Variants in FRMPD4 observed in about 807,000 individuals in gnomAD.
FRMPD4 encodes FERM and PDZ domain containing 4.
Under a neutral mutation model 94.1 loss-of-function variants are expected in FRMPD4, and 22 were observed. That is an observed-to-expected ratio of 0.23 (90% CI 0.17 to 0.33). The LOEUF (loss-of-function observed/expected upper bound fraction) is 0.33. Among genes scored for constraint, FRMPD4 ranks in the 10% least tolerant of loss-of-function variants. FRMPD4 has a pLI of 1.00. For missense variants in FRMPD4, 1,111 were observed against 1,339.9 expected (o/e 0.83, Z 2.67); for synonymous variants, 631 against 548.6 (o/e 1.15, Z -2.10).
chrX:12,670,799 G>C (rs777727644), intron 4 of FRMPD4, among the ~76,000 whole-genome samples: 1 of 111,693 alleles, frequency 9.0e-6, no homozygotes, highest in African/African-American at 3.3e-5. Flanking sequence ...GAGTGAACAG[G>C]CAACCTACAG....
intron 1 of FRMPD4, among the ~76,000 whole-genome samples, chrX:12,271,459 A>AG (rs2054353781): frequency 8.9e-6 from 1 of 111,913 alleles, no homozygotes; most frequent in South Asian, 3.7e-4. Context: ...ACTTTGGCAT[A>AG]GTGAAATTGC....
intron 3 of FRMPD4, among the ~76,000 whole-genome samples, chrX:12,045,183 C>T (rs2054778845): frequency 2.7e-5 from 3 of 112,088 alleles, no homozygotes; most frequent in South Asian, 7.5e-4. Context: ...GGGTTGCTTT[C>T]GTGCTAAAAT....
intron 9 of FRMPD4, among the ~76,000 whole-genome samples, chrX:12,698,177 C>T (rs1364979828): frequency 2.7e-5 from 3 of 111,795 alleles, no homozygotes; most frequent in Non-Finnish European, 5.6e-5. Context: ...AGGACAGTAG[C>T]CATTGACTAG....
intron 2 of FRMPD4, among the ~76,000 whole-genome samples, chrX:12,584,568 G>A (rs1484931148): frequency 1.4e-4 from 16 of 111,934 alleles, no homozygotes; most frequent in African/African-American, 4.6e-4. Flanking sequence ...GAAAAAAAAA[G>A]AACGTTCCTT....
intron 1 of FRMPD4, among the ~76,000 whole-genome samples, chrX:12,406,007 A>G (rs1049923012): frequency 1.8e-5 from 2 of 111,508 alleles, no homozygotes; most frequent in African/African-American, 6.5e-5. Context: ...CGATTATGCT[A>G]GAGGTCCTCA....
chrX:12,155,816 T>G (rs12844840), intron 1 of FRMPD4, among the ~76,000 whole-genome samples: 11,852 of 110,723 alleles, frequency 0.11, 559 homozygotes, highest in South Asian at 0.31. Flanking sequence ...CAGCAAACTG[T>G]GATCTGCAAG....
At chrX:12,394,430 A>G (rs913447456) in intron 1 of FRMPD4, among the ~76,000 whole-genome samples, 1 of 111,785 alleles carries the variant, frequency 8.9e-6, no homozygotes, top group Non-Finnish European at 1.9e-5. Flanking sequence ...TTCAGTTCTT[A>G]TTCAGGTAGT....
chrX:11,921,451 A>T (rs1361304924), intron 3 of FRMPD4, among the ~76,000 whole-genome samples: 1 of 106,584 alleles, frequency 9.4e-6, no homozygotes, highest in Non-Finnish European at 1.9e-5. Context: ...ATACAATCAC[A>T]TTGGGGGTTA....
At chrX:12,494,831 A>G (rs1399181426) in intron 1 of FRMPD4, 1 of 114,897 alleles carries the variant, frequency 8.7e-6, no homozygotes, top group Non-Finnish European at 1.8e-5. Context: ...ATAGATGGGT[A>G]AAGCACAAAG....
chrX:12,186,544 A>G (rs5935254), intron 1 of FRMPD4, among the ~76,000 whole-genome samples: 39,862 of 110,358 alleles, frequency 0.36, 5,538 homozygotes, highest in East Asian at 0.84. Flanking sequence ...TATGACGACA[A>G]CATCAATATA....
upstream of FRMPD4, among the ~76,000 whole-genome samples, chrX:12,134,674 A>C (rs1359133034): frequency 8.9e-6 from 1 of 112,279 alleles, no homozygotes; most frequent in Non-Finnish European, 1.9e-5. Flanking sequence ...CCGGGGCATA[A>C]AAAATGCTAC....
At position 12,717,619 on chromosome X, in the gene FRMPD4, C is replaced by T. The variant is rs748984197; in HGVS notation, c.2793C>T (p.Asn931=). 2 of 1,208,302 alleles carry T rather than the reference C, an allele frequency of 1.7e-6. No individual in the cohort carries two copies. Among genetic ancestry groups the T allele is most frequent in the Non-Finnish European group, 1.1e-6 (1 of 892,372 alleles). Residue 931 remains asparagine, a synonymous_variant, in exon 16 of 17, where the codon AAC becomes AAT. Coordinates refer to ENST00000675598, the MANE Select transcript of FRMPD4 (RefSeq NM_001368397.1). ...CCACAGCACAAAAACAGTCAGAAAA[C>T]CTCTCCCGCATGTTCTTGGCCACTC... is the stretch of plus-strand genomic sequence containing the variant. ...ELATAQKQSE[N]LSRMFLATHE...
intron 13 of FRMPD4, among the ~76,000 whole-genome samples, chrX:12,709,902 C>T (rs767253046): frequency 7.2e-5 from 8 of 110,901 alleles, no homozygotes; most frequent in Non-Finnish European, 3.8e-5. Flanking sequence ...CTGAGGTGGG[C>T]GGATCATTTG....
At chrX:12,642,623 T>C (rs772900548) in intron 4 of FRMPD4, among the ~76,000 whole-genome samples, 2 of 113,141 alleles carry the variant, frequency 1.8e-5, no homozygotes, top group East Asian at 5.6e-4. Context: ...TAGCCACCAC[T>C]GGGCATGGTG....
chrX:12,333,394 G>A (rs956858136), intron 1 of FRMPD4, among the ~76,000 whole-genome samples: 1 of 111,331 alleles, frequency 9.0e-6, no homozygotes, highest in African/African-American at 3.3e-5. Context: ...CAAGATGAAA[G>A]GCAACTGATA....
At chrX:12,560,742 CTTTTTTTTTTTTTTTTTTTTTTTTTTT>C (rs749269384) in intron 2 of FRMPD4, among the ~76,000 whole-genome samples, 3 of 43,445 alleles carry the variant, frequency 6.9e-5, no homozygotes, top group Non-Finnish European at 1.3e-4. Context: ...CTCCCCTCAT[CTTTTTTTTTTTTTTTTTTTTTTTTTTT>C]TTTTTTTTTT....
intron 1 of FRMPD4, among the ~76,000 whole-genome samples, chrX:12,446,640 G>A (rs1025251685): frequency 3.6e-5 from 4 of 111,595 alleles, no homozygotes; most frequent in Non-Finnish European, 5.7e-5. Flanking sequence ...AAGGGGGAAC[G>A]CCTTTTGCTA....
At chrX:12,003,386 A>AGTGTGT (rs34756228) in intron 3 of FRMPD4, among the ~76,000 whole-genome samples, 5,655 of 102,070 alleles carry the variant, frequency 0.055, 430 homozygotes, top group African/African-American at 0.19. Context: ...CAGTTTGGCA[A>AGTGTGT]GTGTGTGTGT....
intron 3 of FRMPD4, among the ~76,000 whole-genome samples, chrX:11,991,901 C>T (rs753588679): frequency 8.0e-5 from 9 of 111,966 alleles, no homozygotes; most frequent in South Asian, 3.7e-4. Context: ...TGCATTACAG[C>T]GACTCCGAAG....
Sources: gnomAD v4.1 joint callset for allele counts (sites outside exome capture counted in the v4.1 genomes callset) on GRCh38, gnomAD v4.1.1 for gene constraint, MANE v1.5 for transcripts, NCBI Gene and HGNC (gene_info 2026-07-23, HGNC 2026-07-21) for gene names.